The following ANO2 variants were observed in gnomAD, a reference collection of about 807,000 sequenced individuals.
ANO2 encodes anoctamin 2.
A neutral mutation model predicts 124.2 loss-of-function variants in ANO2; 101 were observed. The observed-to-expected ratio is 0.81, with a 90% CI of 0.69 to 0.96. The LOEUF (loss-of-function observed/expected upper bound fraction) is 0.96. ANO2 is among the 40% of genes least tolerant of loss of function. The pLI, the probability that ANO2 is intolerant of heterozygous loss-of-function variation, is 0.00. For missense variants in ANO2, 1,293 were observed against 1,274.5 expected (o/e 1.01, Z -0.22); for synonymous variants, 486 against 482.5 (o/e 1.01, Z -0.09).
intron 14 of ANO2, among the ~76,000 whole-genome samples, chr12:5,663,908 G>A (rs1591844228): frequency 6.6e-6 from 1 of 152,184 alleles, no homozygotes; most frequent in East Asian, 1.9e-4. Flanking sequence ...TGGTGTTGTG[G>A]GGACTGGGCT....
At chr12:5,626,924 A>G (rs1945440083) in intron 16 of ANO2, among the ~76,000 whole-genome samples, 1 of 152,196 alleles carries the variant, frequency 6.6e-6, no homozygotes, top group Non-Finnish European at 1.5e-5. Context: ...GGCTCCTAGA[A>G]AATCCAAAGA....
At chr12:5,650,192 G>A (rs745344468) in intron 14 of ANO2, among the ~76,000 whole-genome samples, 4 of 152,152 alleles carry the variant, frequency 2.6e-5, no homozygotes, top group Non-Finnish European at 5.9e-5. Flanking sequence ...GTTCAGCTCT[G>A]CCCAGGAGGA....
At position 5,634,858 on chromosome 12, in the gene ANO2, G is replaced by T. The variant is rs150132609; in HGVS notation, c.1816+294C>A. ...CTTGCTTCCCAGGTTAGGCTAAAAAGAACAGACCCCACGGTTTACCCTTAG... is the reference window on the plus strand; with the variant it reads ...CTTGCTTCCCAGGTTAGGCTAAAAATAACAGACCCCACGGTTTACCCTTAG... On this transcript the variant is annotated intron_variant, in intron 16 of 24. Transcript: ENST00000682330. Among the ~76,000 whole-genome samples, 467 of 152,228 alleles carry T rather than the reference G, an allele frequency of 3.1e-3. 1 individual carries two copies. The highest frequency in any genetic ancestry group is 0.01 in the Middle Eastern group (3 of 294).
chr12:5,849,224 C>A (rs1246885806), intron 4 of ANO2, among the ~76,000 whole-genome samples: 2 of 152,230 alleles, frequency 1.3e-5, no homozygotes, highest in African/African-American at 2.4e-5. Context: ...CCAGGCATGT[C>A]ACTTCTTCCA....
intron 3 of ANO2, among the ~76,000 whole-genome samples, chr12:5,869,967 G>T (rs1213730914): frequency 6.6e-6 from 1 of 152,178 alleles, no homozygotes; most frequent in Non-Finnish European, 1.5e-5. Flanking sequence ...AAGCTCCTCT[G>T]AAGAAAGGCA....
In ANO2 at chr12:5,874,156, C is replaced by A. The variant is rs117978726; in HGVS notation, c.535-20015G>T. 1.1e-3 allele frequency among the ~76,000 whole-genome samples: 165 copies of A among 152,320 alleles called. 2 individuals carry two copies. In the East Asian group the frequency reaches 0.029, roughly 27 times the overall value. ...GAGGCTAGGAAAAAAGACCAGGAGG[C>A]TGACAGCTACAGAAAATTTACAAAA... On this transcript the variant is annotated intron_variant, in intron 3 of 24. Coordinates refer to ENST00000682330, the MANE Select transcript of ANO2 (RefSeq NM_001364791.2).
intron 22 of ANO2, 50 bp downstream of exon 22, chr12:5,577,905 T>C: frequency 1.3e-6 from 2 of 1,578,836 alleles, no homozygotes; most frequent in Non-Finnish European, 1.7e-6. Context: ...CCTCAGCTTC[T>C]CTGGAAGCCC....
intron 3 of ANO2, among the ~76,000 whole-genome samples, chr12:5,870,074 T>G (rs534921603): frequency 6.6e-6 from 1 of 152,258 alleles, no homozygotes; most frequent in Admixed American, 6.5e-5. Flanking sequence ...AGACTTGTTT[T>G]GACACTCAGC....
chr12:5,909,746 C>CA lies in ANO2; in HGVS notation c.534+11293_534+11294insT, dbSNP rs576624623. On this transcript the variant is annotated intron_variant, in intron 3 of 24. Coordinates refer to ENST00000682330, the MANE Select transcript of ANO2 (RefSeq NM_001364791.2). ...CTTCAGGAGCCCTCTCTGGGCAGTG[C>CA]GTGCCCAGAGAGCAGGCGGTGGGCG... Among the ~76,000 whole-genome samples the CA allele has an allele frequency of 3.8e-3, 577 of 152,308 alleles. 4 individuals are homozygous for CA. The highest frequency in any genetic ancestry group is 0.013 in the African/African-American group (548 of 41,576).
chr12:5,936,024 A>C (rs762335697), intron 1 of ANO2, among the ~76,000 whole-genome samples: 1 of 152,234 alleles, frequency 6.6e-6, no homozygotes, highest in Admixed American at 6.5e-5. Context: ...GCTTACTAGC[A>C]ATTTGCATAT....
chr12:5,855,493 G>T (rs774267113), intron 3 of ANO2, among the ~76,000 whole-genome samples: 10 of 152,234 alleles, frequency 6.6e-5, no homozygotes, highest in Admixed American at 1.3e-4. Flanking sequence ...GAAAGCTCAT[G>T]ACTTACAAGG....
intron 1 of ANO2, among the ~76,000 whole-genome samples, chr12:5,938,107 C>T (rs755207956): frequency 6.6e-6 from 1 of 152,212 alleles, no homozygotes; most frequent in Non-Finnish European, 1.5e-5. Context: ...CAAGGACTCA[C>T]GAAGGGTCCC....
intron 21 of ANO2, among the ~76,000 whole-genome samples, 175 bp downstream of exon 21, chr12:5,578,191 G>T (rs569811176): frequency 8.9e-4 from 136 of 152,316 alleles, no homozygotes; most frequent in African/African-American, 3.0e-3. Flanking sequence ...CACAAGTGGG[G>T]GTGGATAAAG....
chr12:5,907,823 C>A (rs1240714805), intron 3 of ANO2, among the ~76,000 whole-genome samples: 4 of 152,208 alleles, frequency 2.6e-5, no homozygotes, highest in Non-Finnish European at 5.9e-5. Flanking sequence ...GTGAACCTGG[C>A]CCTTCACTCT....
At chr12:5,794,037 C>A (rs552467203) in intron 10 of ANO2, among the ~76,000 whole-genome samples, 1 of 152,292 alleles carries the variant, frequency 6.6e-6, no homozygotes, top group South Asian at 2.1e-4. Flanking sequence ...TGGCATGGAA[C>A]ATAATCATCC....
chr12:5,672,975 T>C (rs1170239681), intron 14 of ANO2, among the ~76,000 whole-genome samples: 1 of 152,190 alleles, frequency 6.6e-6, no homozygotes, highest in Non-Finnish European at 1.5e-5. Context: ...CAAAACCCAA[T>C]ATATCCATGG....
chr12:5,745,406 G>A (rs1306804801), intron 11 of ANO2, among the ~76,000 whole-genome samples: 1 of 152,160 alleles, frequency 6.6e-6, no homozygotes, highest in Non-Finnish European at 1.5e-5. Context: ...GGAGGCAGGG[G>A]ATCCAGCACT....
chr12:5,695,941 C>T (rs941518911), intron 14 of ANO2, among the ~76,000 whole-genome samples: 1 of 152,140 alleles, frequency 6.6e-6, no homozygotes, highest in Admixed American at 6.5e-5. Context: ...ATTTTGCTCA[C>T]TGATGAATCC....
In ANO2 at chr12:5,872,400, G is replaced by A. The variant is rs115877803; in HGVS notation, c.535-18259C>T. Among the ~76,000 whole-genome samples, 544 of 152,192 alleles carry A rather than the reference G, an allele frequency of 3.6e-3. 5 individuals are homozygous for A. The highest frequency in any genetic ancestry group is 0.012 in the African/African-American group (516 of 41,528). ...ATGGCTGTTTTTCAATCTATGATGAGCAACCCTTTTAAGGTACTGGAGGCT... is the reference window on the plus strand; with the variant it reads ...ATGGCTGTTTTTCAATCTATGATGAACAACCCTTTTAAGGTACTGGAGGCT... On this transcript the variant is annotated intron_variant, in intron 3 of 24. Transcript: ENST00000682330.
Sources: gnomAD v4.1 joint callset for allele counts (sites outside exome capture counted in the v4.1 genomes callset) on GRCh38, gnomAD v4.1.1 for gene constraint, MANE v1.5 for transcripts, NCBI Gene and HGNC (gene_info 2026-07-23, HGNC 2026-07-21) for gene names.